The following KDM6A variants were observed in gnomAD, a reference collection of about 807,000 sequenced individuals.
The protein encoded by KDM6A is lysine-specific demethylase 6A.
Under a neutral mutation model 117.6 loss-of-function variants are expected in KDM6A, and 11 were observed. The observed-to-expected ratio is 0.09, with a 90% CI of 0.06 to 0.15. KDM6A has a LOEUF of 0.15. KDM6A is among the 10% of genes least tolerant of loss of function. KDM6A has a pLI of 1.00. For missense variants in KDM6A, 799 were observed against 1,077.3 expected (o/e 0.74, Z 3.62); for synonymous variants, 384 against 396.1 (o/e 0.97, Z 0.36).
chrX:45,089,056 C>T (rs1419099523), intron 25 of KDM6A, among the ~76,000 whole-genome samples: 1 of 111,944 alleles, frequency 8.9e-6, no homozygotes, highest in African/African-American at 3.2e-5. Flanking sequence ...ATTTAAATGA[C>T]TTGATGTCAA....
At chrX:45,044,423 TGTTA>T (rs1159249595) in intron 8 of KDM6A, among the ~76,000 whole-genome samples, 7 of 111,553 alleles carry the variant, frequency 6.3e-5, no homozygotes, top group Non-Finnish European at 1.3e-4. Flanking sequence ...GTTACTGAAA[TGTTA>T]GTTATTTTTG....
chrX:45,078,895 A>C (rs2045261521), intron 20 of KDM6A, among the ~76,000 whole-genome samples: 1 of 110,791 alleles, frequency 9.0e-6, no homozygotes, highest in South Asian at 3.9e-4. Context: ...TAAATAAATA[A>C]GTGAAATTTC....
chrX:45,007,616 A>G (rs185488110), intron 4 of KDM6A, among the ~76,000 whole-genome samples: 54 of 112,113 alleles, frequency 4.8e-4, no homozygotes, highest in African/African-American at 1.7e-3. Flanking sequence ...TGATTGGATT[A>G]GTAAATCTTT....
intron 5 of KDM6A, among the ~76,000 whole-genome samples, chrX:45,019,368 C>T (rs1467340119): frequency 8.9e-6 from 1 of 111,751 alleles, no homozygotes; most frequent in Non-Finnish European, 1.9e-5. Context: ...TGATGCCAGA[C>T]CTGTGTTCCA....
rs762409573 is a variant in KDM6A, at chrX:45,061,312, G to A, written c.1486-12G>A. On this transcript the variant is annotated splice_polypyrimidine_tract_variant and intron_variant, in intron 14 of 29. Transcript: ENST00000611820. Reference sequence around the variant, plus strand: ...TATTCTTTAATTTTTTTTTTAAATCGATTTTCCTCAGAATACTTCTGACAA... The same window carrying A: ...TATTCTTTAATTTTTTTTTTAAATCAATTTTCCTCAGAATACTTCTGACAA... The A allele has an allele frequency of 7.5e-6, 8 of 1,071,010 alleles. No homozygotes were observed. In the East Asian group the frequency reaches 1.9e-4, roughly 25 times the overall value. 88.3% of individuals were successfully genotyped at this position (1,071,010 alleles called of 1,213,427 possible).
intron 20 of KDM6A, 104 bp from the exon 21 acceptor site, chrX:45,079,042 G>A: frequency 1.5e-6 from 1 of 682,999 alleles, no homozygotes; most frequent in Non-Finnish European, 2.2e-6. Flanking sequence ...ACTGGATACA[G>A]TGCCGTAAAA....
intron 3 of KDM6A, among the ~76,000 whole-genome samples, chrX:44,965,828 G>C (rs1270717124): frequency 8.9e-6 from 1 of 112,460 alleles, no homozygotes; most frequent in African/African-American, 3.2e-5. Context: ...GCTCTACACA[G>C]GGTTGCTGTG....
intron 4 of KDM6A, among the ~76,000 whole-genome samples, chrX:44,994,215 G>T (rs143855724): frequency 1.8e-5 from 2 of 111,797 alleles, no homozygotes; most frequent in East Asian, 5.6e-4. Flanking sequence ...GTGAAACTTC[G>T]TACCCTTTGA....
At chrX:44,946,279 T>G (rs1406922090) in intron 2 of KDM6A, among the ~76,000 whole-genome samples, 1 of 110,971 alleles carries the variant, frequency 9.0e-6, no homozygotes, top group Non-Finnish European at 1.9e-5. Context: ...TTAGTAGAGA[T>G]AGGGTTTCAC....
At chrX:45,040,226 G>A (rs1602679866) in intron 8 of KDM6A, among the ~76,000 whole-genome samples, 1 of 93,517 alleles carries the variant, frequency 1.1e-5, no homozygotes, top group African/African-American at 4.0e-5. Flanking sequence ...GGGCAGAGGC[G>A]CCCCTCACCT....
intron 4 of KDM6A, among the ~76,000 whole-genome samples, chrX:44,991,259 G>A (rs1353831992): frequency 9.0e-6 from 1 of 111,541 alleles, no homozygotes; most frequent in African/African-American, 3.3e-5. Context: ...TTTTGACATT[G>A]TTGATCATCT....
chrX:45,076,256 G>T (rs935258555), intron 18 of KDM6A, among the ~76,000 whole-genome samples: 1 of 111,298 alleles, frequency 9.0e-6, no homozygotes, highest in Non-Finnish European at 1.9e-5. Flanking sequence ...TTGTTACAAA[G>T]ATATTCTGAT....
At chrX:45,042,825 G>A (rs746947717) in intron 8 of KDM6A, among the ~76,000 whole-genome samples, 17 of 111,655 alleles carry the variant, frequency 1.5e-4, no homozygotes, top group Middle Eastern at 4.6e-3. Context: ...AATGAAGAAG[G>A]ATCATTTCAT....
intron 2 of KDM6A, among the ~76,000 whole-genome samples, chrX:44,958,897 A>G (rs1323306376): frequency 1.8e-5 from 2 of 111,425 alleles, no homozygotes; most frequent in African/African-American, 3.3e-5. Context: ...TAGCCTTTTG[A>G]GTAAAAATAT....
rs146923278 is a variant in KDM6A at position 45,070,817 on chromosome X, T to C, written c.2858+460T>C. On this transcript the variant is annotated intron_variant, in intron 18 of 29. Coordinates refer to ENST00000611820, the MANE Select transcript of KDM6A (RefSeq NM_001291415.2). Reference sequence around the variant, plus strand: ...AATTGAGAAAACTGGACTGTTTGAATCTAGAAGAGGTTATAAAGCAGGCAG... The same window carrying C: ...AATTGAGAAAACTGGACTGTTTGAACCTAGAAGAGGTTATAAAGCAGGCAG... 3.0e-3 allele frequency among the ~76,000 whole-genome samples: 333 copies of C among 109,659 alleles called. 1 individual carries two copies. Among genetic ancestry groups the C allele is most frequent in the African/African-American group, 0.01 (313 of 30,072 alleles).
At chrX:45,052,916 A>G (rs2043921080) in intron 9 of KDM6A, among the ~76,000 whole-genome samples, 1 of 110,708 alleles carries the variant, frequency 9.0e-6, no homozygotes, top group Non-Finnish European at 1.9e-5. Flanking sequence ...GGTGGTCTCA[A>G]ACTCCTGGCA....
Position 44,899,816 on chromosome X carries a change from T to G in KDM6A, c.225+25829T>G, listed in dbSNP as rs774037167. 1.5e-3 allele frequency among the ~76,000 whole-genome samples: 169 copies of G among 111,668 alleles called. 1 individual carries two copies. Among genetic ancestry groups the G allele is most frequent in the Non-Finnish European group, 4.0e-4 (21 of 53,145 alleles). ...CTCCATTTTGGTGGAACTGGAAGGC[T>G]TATAGTAATTCAATTTTGAATTATG... On this transcript the variant is annotated intron_variant, in intron 2 of 29. Coordinates refer to ENST00000611820, the MANE Select transcript of KDM6A (RefSeq NM_001291415.2).
At chrX:45,067,849 A>G (rs1172402709) in intron 17 of KDM6A, among the ~76,000 whole-genome samples, 2 of 109,770 alleles carry the variant, frequency 1.8e-5, no homozygotes, top group African/African-American at 6.7e-5. Context: ...ACAGGGCTTC[A>G]CCATGTTGAC....
chrX:45,076,632 C>CT lies in KDM6A; in HGVS notation c.2859-52dup, dbSNP rs1236801760. 53,185 of 577,270 alleles carry CT rather than the reference C, an allele frequency of 0.092. 6 individuals carry two copies. The highest frequency in any genetic ancestry group is 0.1 in the Non-Finnish European group (39,873 of 397,279). The allele number at this position is 577,270 out of a possible 1,213,427, so 47.6% of individuals were successfully genotyped here. On this transcript the variant is annotated intron_variant, in intron 18 of 29. Transcript: ENST00000611820. ...TTTAATTAGGACTTAATTCAGGATT[C>CT]TTTTTTTTTTTTTCTGTTTTCCAAA... is the stretch of plus-strand genomic sequence containing the variant.
Sources: allele counts gnomAD v4.1 joint callset (sites outside exome capture counted in the v4.1 genomes callset), GRCh38; gene constraint gnomAD v4.1.1; transcripts MANE v1.5; gene names NCBI Gene and HGNC (gene_info 2026-07-23, HGNC 2026-07-21).